GOLPH3: variants seen among roughly 807,000 people sequenced by gnomAD.
The protein encoded by GOLPH3 is golgi phosphoprotein 3.
In GOLPH3, 14 loss-of-function variants were observed where a neutral mutation model predicts 28.5. The observed-to-expected ratio is 0.49, with a 90% CI of 0.32 to 0.77. GOLPH3 has a LOEUF of 0.77. Among genes scored for constraint, GOLPH3 ranks in the 30% least tolerant of loss-of-function variants. The pLI is 0.03. For synonymous variants in GOLPH3, 158 were observed against 159.2 expected (o/e 0.99, Z 0.06); for missense variants, 350 against 393.7 (o/e 0.89, Z 0.94).
chr5:32,148,714 G>C (rs1055789791), intron 1 of GOLPH3, among the ~76,000 whole-genome samples: 2 of 152,174 alleles, frequency 1.3e-5, no homozygotes, highest in African/African-American at 4.8e-5. Flanking sequence ...GGAGAATAAC[G>C]TGACCCCAGG....
chr5:32,171,071 G>T (rs1190248284), intron 1 of GOLPH3, among the ~76,000 whole-genome samples: 1 of 152,070 alleles, frequency 6.6e-6, no homozygotes, highest in African/African-American at 2.4e-5. Context: ...ACTTTAAATT[G>T]TTTAAATTAT....
intron 1 of GOLPH3, among the ~76,000 whole-genome samples, chr5:32,159,703 A>G (rs981798876): frequency 3.3e-5 from 5 of 152,378 alleles, no homozygotes; most frequent in Admixed American, 3.3e-4. Context: ...ATACAAGAGA[A>G]TAACATTTCA....
chr5:32,130,709 A>G (rs1481322080), intron 3 of GOLPH3, among the ~76,000 whole-genome samples: 1 of 151,586 alleles, frequency 6.6e-6, no homozygotes, highest in East Asian at 1.9e-4. Context: ...CAAAAAAAAC[A>G]CCCCCTCCCC....
Position 32,125,459 on chromosome 5 carries a change from G to C in GOLPH3, c.*753C>G, listed in dbSNP as rs15454. 23 of 152,760 alleles carry C rather than the reference G, an allele frequency of 1.5e-4. No homozygotes were observed. Among genetic ancestry groups the C allele is most frequent in the African/African-American group, 4.1e-4 (17 of 41,562 alleles). The allele number at this position is 152,760 out of a possible 1,614,324, so 9.5% of individuals were successfully genotyped here. A position where few individuals can be genotyped will look rare whatever the true frequency, so the allele number is the denominator to read the frequency against. On this transcript the variant is annotated 3_prime_UTR_variant, in exon 4 of 4. Transcript: ENST00000265070. ...TCAAATAACCATGATTGAAGCAAGC[G>C]AGGGGCACCAGGTGTACAACTGATT... is the stretch of plus-strand genomic sequence containing the variant.
At chr5:32,164,248 T>C (rs1746655712) in intron 1 of GOLPH3, among the ~76,000 whole-genome samples, 1 of 152,226 alleles carries the variant, frequency 6.6e-6, no homozygotes, top group African/African-American at 2.4e-5. Context: ...TCAATGTTTC[T>C]CACCCTTTAT....
At chr5:32,152,804 C>CA (rs371434993) in intron 1 of GOLPH3, among the ~76,000 whole-genome samples, 92 of 143,092 alleles carry the variant, frequency 6.4e-4, no homozygotes, top group Middle Eastern at 3.6e-3. Context: ...AAAACAAAAA[C>CA]AAAAAAAAAA....
At chr5:32,152,424 C>G (rs1302966962) in intron 1 of GOLPH3, among the ~76,000 whole-genome samples, 1 of 130,934 alleles carries the variant, frequency 7.6e-6, no homozygotes, top group East Asian at 2.3e-4. Flanking sequence ...CGCGCCTGCC[C>G]CCCCCAGCCT....
chr5:32,152,541 G>A (rs1028137822), intron 1 of GOLPH3, among the ~76,000 whole-genome samples: 5 of 149,448 alleles, frequency 3.3e-5, no homozygotes, highest in Admixed American at 1.3e-4. Context: ...CCAGCACTTC[G>A]GGAGGCGAGG....
rs6892172 is a variant in GOLPH3, at chr5:32,133,475, T to C, written c.472+2097A>G. Among the ~76,000 whole-genome samples the C allele has an allele frequency of 3.0e-3, 457 of 152,334 alleles. 2 individuals carry two copies. Among genetic ancestry groups the C allele is most frequent in the African/African-American group, 0.011 (447 of 41,570 alleles). Reference sequence around the variant, plus strand: ...TAATTTGCAACACCAGAAGCAGTCATGGGCCAACACTGGCAGCACAACATG... The same window carrying C: ...TAATTTGCAACACCAGAAGCAGTCACGGGCCAACACTGGCAGCACAACATG... On this transcript the variant is annotated intron_variant, in intron 3 of 3. Transcript: ENST00000265070.
At chr5:32,142,977 A>G (rs1356559424) in intron 2 of GOLPH3, among the ~76,000 whole-genome samples, 2 of 152,168 alleles carry the variant, frequency 1.3e-5, no homozygotes, top group Admixed American at 1.3e-4. Flanking sequence ...AGAACGGGCC[A>G]TGATGACAAG....
chr5:32,166,599 A>C (rs1033789518), intron 1 of GOLPH3, among the ~76,000 whole-genome samples: 2 of 152,080 alleles, frequency 1.3e-5, no homozygotes, highest in South Asian at 4.2e-4. Flanking sequence ...CTTGAGGTCA[A>C]GAGTTCGAGA....
At chr5:32,172,558 G>A (rs1006124682) in intron 1 of GOLPH3, among the ~76,000 whole-genome samples, 14 of 152,268 alleles carry the variant, frequency 9.2e-5, no homozygotes, top group African/African-American at 3.1e-4. Context: ...AGCTGGGCAT[G>A]GCGGCGCACG....
intron 1 of GOLPH3, among the ~76,000 whole-genome samples, chr5:32,146,931 A>C (rs1581546084): frequency 6.6e-6 from 1 of 152,194 alleles, no homozygotes; most frequent in East Asian, 1.9e-4. Flanking sequence ...AAAAAACCTC[A>C]TGTTTTAACA....
chr5:32,167,904 T>C (rs1182290906), intron 1 of GOLPH3, among the ~76,000 whole-genome samples: 4 of 152,096 alleles, frequency 2.6e-5, no homozygotes, highest in African/African-American at 4.8e-5. Context: ...CAATGAGCCA[T>C]GATCACACCA....
At chr5:32,173,215 G>A (rs1221248493) in intron 1 of GOLPH3, among the ~76,000 whole-genome samples, 3 of 151,164 alleles carry the variant, frequency 2.0e-5, no homozygotes, top group Non-Finnish European at 4.4e-5. Flanking sequence ...AGTTCACCTA[G>A]AAAGTCATTT....
At chr5:32,131,380 T>TA (rs901996019) in intron 3 of GOLPH3, among the ~76,000 whole-genome samples, 4 of 152,350 alleles carry the variant, frequency 2.6e-5, no homozygotes, top group African/African-American at 9.6e-5. Context: ...GAGTTTAGCG[T>TA]AAGTAAGACA....
At chr5:32,151,121 A>G (rs1746295495) in intron 1 of GOLPH3, among the ~76,000 whole-genome samples, 1 of 151,994 alleles carries the variant, frequency 6.6e-6, no homozygotes, top group African/African-American at 2.4e-5. Context: ...GAGACTACCC[A>G]TTTTTTTGGT....
chr5:32,129,928 G>A lies in GOLPH3; in HGVS notation c.473-3292C>T, dbSNP rs569322926. 2.0e-4 allele frequency among the ~76,000 whole-genome samples: 31 copies of A among 151,776 alleles called. No homozygotes were observed. In the South Asian group the frequency reaches 2.1e-3, roughly 10 times the overall value. On this transcript the variant is annotated intron_variant, in intron 3 of 3. Coordinates refer to ENST00000265070, the MANE Select transcript of GOLPH3 (RefSeq NM_022130.4). Reference sequence around the variant, plus strand: ...GTGATCAGGGCTCACTGCAAGCTCCGCCTCCTGGGTTCACGTCATTCTCCT... The same window carrying A: ...GTGATCAGGGCTCACTGCAAGCTCCACCTCCTGGGTTCACGTCATTCTCCT...
intron 1 of GOLPH3, among the ~76,000 whole-genome samples, chr5:32,165,987 A>C (rs555619364): frequency 6.6e-6 from 1 of 152,340 alleles, no homozygotes; most frequent in East Asian, 1.9e-4. Context: ...CTTAAGCTAA[A>C]ACAAACAGTT....
Sources: allele counts gnomAD v4.1 joint callset (sites outside exome capture counted in the v4.1 genomes callset), GRCh38; gene constraint gnomAD v4.1.1; transcripts MANE v1.5; gene names NCBI Gene and HGNC (gene_info 2026-07-23, HGNC 2026-07-21).